SYT16: variants seen among roughly 807,000 people sequenced by gnomAD.
SYT16 encodes synaptotagmin 16.
A neutral mutation model predicts 61.4 loss-of-function variants in SYT16; 42 were observed. That is an observed-to-expected ratio of 0.68 (90% CI 0.53 to 0.89). The LOEUF (loss-of-function observed/expected upper bound fraction) is 0.89. SYT16 is among the 40% of genes least tolerant of loss of function. The pLI, the probability that SYT16 is intolerant of heterozygous loss-of-function variation, is 0.00. For synonymous variants in SYT16, 314 were observed against 302.3 expected (o/e 1.04, Z -0.40); for missense variants, 804 against 807.3 (o/e 1.00, Z 0.05).
intron 3 of SYT16, among the ~76,000 whole-genome samples, chr14:62,041,618 G>A (rs2054732991): frequency 6.6e-6 from 1 of 152,134 alleles, no homozygotes; most frequent in South Asian, 2.1e-4. Context: ...CAATTGTCCT[G>A]CCTCAGCCTC....
chr14:62,022,106 TAGTC>T (rs2053932908), intron 3 of SYT16, among the ~76,000 whole-genome samples: 3 of 152,048 alleles, frequency 2.0e-5, no homozygotes, highest in Non-Finnish European at 2.9e-5. Flanking sequence ...TAATTCTTGT[TAGTC>T]AGTATTTTAT....
chr14:61,977,160 G>A (rs1368635094), intron 2 of SYT16, among the ~76,000 whole-genome samples: 2 of 152,142 alleles, frequency 1.3e-5, no homozygotes, highest in Non-Finnish European at 2.9e-5. Flanking sequence ...CATTCAACAA[G>A]TCTCTAGGAA....
At chr14:61,830,510 G>A (rs149913626) in intron 1 of SYT16, among the ~76,000 whole-genome samples, 1,719 of 152,250 alleles carry the variant, frequency 0.011, 30 homozygotes, top group Middle Eastern at 0.044. Flanking sequence ...ATTTCTCACC[G>A]TAGTTCAGTT....
intron 1 of SYT16, chr14:61,864,801 A>T: frequency 1.1e-6 from 1 of 951,068 alleles, no homozygotes; most frequent in Non-Finnish European, 1.6e-6. Flanking sequence ...CAGCGCCTGG[A>T]GGGCTAAATC....
intron 1 of SYT16, among the ~76,000 whole-genome samples, chr14:61,862,925 C>T (rs962206250): frequency 6.6e-6 from 1 of 152,200 alleles, no homozygotes; most frequent in Non-Finnish European, 1.5e-5. Flanking sequence ...TTTAAATTTC[C>T]TCCATGGCTT....
chr14:62,109,798 C>T lies in SYT16; in HGVS notation c.*9091C>T, dbSNP rs539009317. 6 of 152,154 alleles carry T rather than the reference C, an allele frequency of 3.9e-5. No homozygotes were observed. Among genetic ancestry groups the T allele is most frequent in the East Asian group, 1.9e-4 (1 of 5,184 alleles). The allele number at this position is 152,154 out of a possible 1,614,324, so 9.4% of individuals were successfully genotyped here. On this transcript the variant is annotated 3_prime_UTR_variant, in exon 8 of 8. Transcript: ENST00000683842. ...TTCATGATAGAAAATCACCTTCTGT[C>T]GCTAGTTTATATGACTTTACATTTA...
chr14:61,956,870 A>G (rs2050897482), intron 1 of SYT16, among the ~76,000 whole-genome samples: 1 of 151,730 alleles, frequency 6.6e-6, no homozygotes, highest in South Asian at 2.1e-4. Flanking sequence ...CAGGGATTGC[A>G]TTAAATCTAT....
chr14:61,934,747 A>G (rs2049909853), intron 1 of SYT16, among the ~76,000 whole-genome samples: 1 of 152,146 alleles, frequency 6.6e-6, no homozygotes, highest in South Asian at 2.1e-4. Context: ...CTGCAAAGTG[A>G]TAGAATTGTT....
At chr14:61,915,921 C>T (rs1459556987) in intron 1 of SYT16, among the ~76,000 whole-genome samples, 2 of 152,192 alleles carry the variant, frequency 1.3e-5, no homozygotes, top group African/African-American at 4.8e-5. Flanking sequence ...GATGATCTCA[C>T]GGGTTTGAGG....
chr14:62,031,067 T>C (rs1285474409), intron 3 of SYT16, among the ~76,000 whole-genome samples: 1 of 152,218 alleles, frequency 6.6e-6, no homozygotes, highest in Admixed American at 6.6e-5. Context: ...GCACATAAGC[T>C]ATACGACATA....
intron 1 of SYT16, among the ~76,000 whole-genome samples, chr14:61,935,152 C>T (rs549389543): frequency 2.0e-5 from 3 of 152,204 alleles, no homozygotes; most frequent in Non-Finnish European, 4.4e-5. Flanking sequence ...CACTACTTTC[C>T]ATTGCAGGCA....
intron 1 of SYT16, among the ~76,000 whole-genome samples, chr14:61,827,002 C>T (rs1015050597): frequency 1.3e-5 from 2 of 151,978 alleles, no homozygotes; most frequent in Non-Finnish European, 2.9e-5. Flanking sequence ...ATTAGAGTCC[C>T]ACCCTTATGA....
intron 1 of SYT16, among the ~76,000 whole-genome samples, chr14:61,830,428 T>A (rs957791339): frequency 5.3e-5 from 8 of 152,210 alleles, no homozygotes; most frequent in African/African-American, 1.9e-4. Context: ...TTAGTTTTTA[T>A]AGCCTTTGCC....
intron 7 of SYT16, among the ~76,000 whole-genome samples, chr14:62,086,029 A>G (rs1308774364): frequency 6.6e-6 from 1 of 152,160 alleles, no homozygotes; most frequent in Non-Finnish European, 1.5e-5. Flanking sequence ...TCACACAATC[A>G]TGGCCTATTC....
At chr14:62,050,910 T>TC (rs1364659820) in intron 3 of SYT16, among the ~76,000 whole-genome samples, 1 of 152,158 alleles carries the variant, frequency 6.6e-6, no homozygotes, top group Non-Finnish European at 1.5e-5. Flanking sequence ...GTTAGGCTAC[T>TC]GGGGGTCAGG....
chr14:62,062,392 A>C (rs117121992), intron 3 of SYT16, among the ~76,000 whole-genome samples: 2 of 152,150 alleles, frequency 1.3e-5, no homozygotes, highest in African/African-American at 4.8e-5. Context: ...GCATAATCTT[A>C]TGAAAATGTA....
intron 1 of SYT16, among the ~76,000 whole-genome samples, chr14:61,870,683 A>G (rs1043783880): frequency 6.6e-6 from 1 of 152,016 alleles, no homozygotes; most frequent in Non-Finnish European, 1.5e-5. Flanking sequence ...TCTAGGTTTT[A>G]TTGCAATGTC....
intron 1 of SYT16, among the ~76,000 whole-genome samples, chr14:61,845,103 A>T (rs1314563423): frequency 1.5e-5 from 2 of 134,312 alleles, no homozygotes; most frequent in Non-Finnish European, 3.0e-5. Context: ...GCTGGAGTGC[A>T]GTGGCATGAT....
intron 1 of SYT16, among the ~76,000 whole-genome samples, chr14:61,858,509 AT>A (rs1271823241): frequency 6.6e-6 from 1 of 152,236 alleles, no homozygotes; most frequent in Non-Finnish European, 1.5e-5. Context: ...ACTACAACAA[AT>A]AAAAAATAAA....
Sources: allele counts gnomAD v4.1 joint callset (sites outside exome capture counted in the v4.1 genomes callset), GRCh38; gene constraint gnomAD v4.1.1; transcripts MANE v1.5; gene names NCBI Gene and HGNC (gene_info 2026-07-23, HGNC 2026-07-21).